The following PKIB variants were observed in gnomAD, a reference collection of about 807,000 sequenced individuals.
The protein encoded by PKIB is cAMP-dependent protein kinase inhibitor beta.
In PKIB, 2 loss-of-function variants were observed where a neutral mutation model predicts 4.5. The observed-to-expected ratio is 0.44, with a 90% CI of 0.18 to 1.39. PKIB has a LOEUF of 1.39. Ranked by LOEUF, PKIB falls within the 40% of genes most tolerant of loss-of-function variation. The pLI is 0.27. For synonymous variants in PKIB, 38 were observed against 36.0 expected, an observed-to-expected ratio of 1.06 and a Z score of -0.20; for missense variants, 94 against 92.6, an observed-to-expected ratio of 1.02 and a Z score of -0.06.
chr6:122,473,339 C>T (rs1452894945), intron 1 of PKIB, among the ~76,000 whole-genome samples: 1 of 152,036 alleles, frequency 6.6e-6, no homozygotes, highest in Non-Finnish European at 1.5e-5. Context: ...TTTAAATTTG[C>T]ACAGATTCTT....
intron 2 of PKIB, among the ~76,000 whole-genome samples, chr6:122,560,565 G>A (rs976342987): frequency 1.3e-5 from 2 of 152,056 alleles, no homozygotes; most frequent in Admixed American, 6.6e-5. Context: ...AATGAATTAG[G>A]GAGGGTTCCT....
intron 1 of PKIB, among the ~76,000 whole-genome samples, chr6:122,616,904 C>T (rs1050943903): frequency 2.0e-5 from 3 of 151,966 alleles, no homozygotes; most frequent in East Asian, 1.9e-4. Flanking sequence ...TTTTTTAAGA[C>T]GAGTAGGCAA....
chr6:122,672,137 G>C (rs13217283), intron 2 of PKIB, among the ~76,000 whole-genome samples: 1,784 of 152,202 alleles, frequency 0.012, 16 homozygotes, highest in Middle Eastern at 0.02. Flanking sequence ...GGCTGCTCTT[G>C]TTCCATCTCC....
intron 2 of PKIB, among the ~76,000 whole-genome samples, chr6:122,495,807 A>T (rs1277841511): frequency 6.6e-6 from 1 of 152,068 alleles, no homozygotes; most frequent in Admixed American, 6.6e-5. Flanking sequence ...GGGTGACAAG[A>T]TTATACCCTG....
At chr6:122,505,824 C>G (rs1372935381) in intron 2 of PKIB, among the ~76,000 whole-genome samples, 1 of 151,826 alleles carries the variant, frequency 6.6e-6, no homozygotes, top group Admixed American at 6.6e-5. Context: ...ATGCTTTAAG[C>G]TTATTATATG....
intron 2 of PKIB, among the ~76,000 whole-genome samples, chr6:122,553,382 T>C (rs897354690): frequency 6.6e-6 from 1 of 151,916 alleles, no homozygotes; most frequent in Non-Finnish European, 1.5e-5. Context: ...CAAAGCCGAT[T>C]GATATCCTGG....
At chr6:122,622,820 T>G (rs1775294211) in intron 1 of PKIB, among the ~76,000 whole-genome samples, 1 of 149,362 alleles carries the variant, frequency 6.7e-6, no homozygotes, top group Non-Finnish European at 1.5e-5. Context: ...AGATAACTTA[T>G]GTTCTCTGAA....
At chr6:122,695,725 A>T (rs1417382742) in intron 3 of PKIB, among the ~76,000 whole-genome samples, 2 of 152,122 alleles carry the variant, frequency 1.3e-5, no homozygotes, top group African/African-American at 4.8e-5. Context: ...CAATATAATG[A>T]AATTTTTTAA....
At chr6:122,542,734 T>C (rs1010680557) in intron 2 of PKIB, among the ~76,000 whole-genome samples, 1 of 152,200 alleles carries the variant, frequency 6.6e-6, no homozygotes, top group Non-Finnish European at 1.5e-5. Context: ...ACCACTACTC[T>C]CTTCAAAACT....
intron 2 of PKIB, among the ~76,000 whole-genome samples, chr6:122,550,010 G>A (rs1340068853): frequency 6.6e-6 from 1 of 151,780 alleles, no homozygotes; most frequent in Non-Finnish European, 1.5e-5. Context: ...TGCCTCCTGG[G>A]TTCAAGTCAT....
chr6:122,611,890 G>T (rs759570981), intron 1 of PKIB, among the ~76,000 whole-genome samples: 2 of 152,166 alleles, frequency 1.3e-5, no homozygotes, highest in Non-Finnish European at 2.9e-5. Context: ...TATCTCAAGA[G>T]ATCATTTGCT....
chr6:122,572,834 A>G (rs1773411349), intron 2 of PKIB, among the ~76,000 whole-genome samples: 1 of 152,198 alleles, frequency 6.6e-6, no homozygotes, highest in Admixed American at 6.5e-5. Context: ...ATTCAAGGCT[A>G]GTATGAACAC....
At chr6:122,707,357 AATCATTTCTCTCCTTTTCTTTG>A (rs1342150030) in intron 3 of PKIB, among the ~76,000 whole-genome samples, 1 of 152,100 alleles carries the variant, frequency 6.6e-6, no homozygotes, top group Non-Finnish European at 1.5e-5. Context: ...AAAAAGGCTT[AATCATTTCTCTCCTTTTCTTTG>A]TTGGAAGAAA....
At chr6:122,670,367 A>G in intron 2 of PKIB, among the ~76,000 whole-genome samples, 1 of 152,114 alleles carries the variant, frequency 6.6e-6, no homozygotes, top group South Asian at 2.1e-4. Context: ...CTCCAGTTTT[A>G]TAGTCTGCAC....
At chr6:122,702,509 A>G (rs1164813085) in intron 3 of PKIB, among the ~76,000 whole-genome samples, 5 of 151,802 alleles carry the variant, frequency 3.3e-5, no homozygotes, top group South Asian at 2.1e-4. Flanking sequence ...TTATATTTTT[A>G]GTAGAGACAA....
At chr6:122,644,394 G>A (rs1257538111) in intron 2 of PKIB, 1 of 152,178 alleles carries the variant, frequency 6.6e-6, no homozygotes, top group Non-Finnish European at 1.5e-5. Flanking sequence ...AGCCTCAGAA[G>A]TCATTCAGAG....
Position 122,518,649 on chromosome 6 carries a change from AGAG to A in PKIB, c.-248+40717_-248+40719del, listed in dbSNP as rs147889177. 1.3e-3 allele frequency among the ~76,000 whole-genome samples: 199 copies of A among 152,092 alleles called. 1 individual carries two copies. Among genetic ancestry groups the A allele is most frequent in the African/African-American group, 4.6e-3 (192 of 41,506 alleles). On this transcript the variant is annotated intron_variant, in intron 2 of 6. Coordinates refer to the PKIB transcript ENST00000392491. ...GCTGAGAGGGCCTCTGGCACATGGG[AGAG>A]GAGGAGTGCCTAGTGGGTGTCAGGC...
rs879822529 is a variant in PKIB, at chr6:122,715,084, C to CA, written c.-8-2692dup. ...ACAGGCATGAGCCACCACGCTGAGC[C>CA]AAAAAAAAAAATATTTAAAAAAAAA... On this transcript the variant is annotated intron_variant, in intron 3 of 4. Transcript: ENST00000368452. Among the ~76,000 whole-genome samples, 654 of 140,068 alleles carry CA rather than the reference C, an allele frequency of 4.7e-3. 2 individuals are homozygous for CA. The highest frequency in any genetic ancestry group is 0.013 in the African/African-American group (505 of 38,084). The allele number at this position is 140,068 out of a possible 152,430, so 91.9% of individuals were successfully genotyped here.
chr6:122,505,813 G>A (rs1438546738), intron 2 of PKIB, among the ~76,000 whole-genome samples: 1 of 152,030 alleles, frequency 6.6e-6, no homozygotes, highest in Non-Finnish European at 1.5e-5. Flanking sequence ...ATTTGTAATT[G>A]ATGCTTTAAG....
Sources: gnomAD v4.1 joint callset for allele counts (sites outside exome capture counted in the v4.1 genomes callset) on GRCh38, gnomAD v4.1.1 for gene constraint, MANE v1.5 for transcripts, NCBI Gene and HGNC (gene_info 2026-07-23, HGNC 2026-07-21) for gene names.